The following TENM3 variants were observed in gnomAD, a reference collection of about 807,000 sequenced individuals.
TENM3 encodes the protein teneurin transmembrane protein 3.
TENM3 carries 63 observed loss-of-function variants against 255.1 expected under a neutral mutation model. That is an observed-to-expected ratio of 0.25 (90% CI 0.20 to 0.30). The LOEUF is 0.30. Among genes scored for constraint, TENM3 ranks in the 10% least tolerant of loss-of-function variants. The pLI is 1.00. For missense variants in TENM3, 2,929 were observed against 3,461.1 expected, an observed-to-expected ratio of 0.85 and a Z score of 3.86; for synonymous variants, 1,306 against 1,322.3, an observed-to-expected ratio of 0.99 and a Z score of 0.27.
At chr4:182,721,290 T>C (rs1221856461) in intron 13 of TENM3, among the ~76,000 whole-genome samples, 2 of 151,950 alleles carry the variant, frequency 1.3e-5, no homozygotes, top group African/African-American at 4.8e-5. Flanking sequence ...ATCAGTAACT[T>C]CGTGGGCATC....
chr4:181,504,481 C>A, the TENM3 span, among the ~76,000 whole-genome samples: 2 of 152,108 alleles, frequency 1.3e-5, no homozygotes, highest in East Asian at 3.8e-4. Context: ...CCTCCTCCTC[C>A]CCCTCTTTAC....
the TENM3 span, among the ~76,000 whole-genome samples, chr4:181,842,087 A>G: frequency 2.6e-5 from 4 of 152,182 alleles, no homozygotes; most frequent in Admixed American, 6.5e-5. Context: ...TTAAAAGAAT[A>G]TATTCTTCTG....
At chr4:182,747,521 A>C (rs1204862010) in intron 19 of TENM3, among the ~76,000 whole-genome samples, 1 of 152,218 alleles carries the variant, frequency 6.6e-6, no homozygotes, top group Non-Finnish European at 1.5e-5. Context: ...TCCTTCTCTG[A>C]TGTTTATAGT....
At chr4:182,312,513 T>C (rs1762515497) in intron 1 of TENM3, among the ~76,000 whole-genome samples, 1 of 152,224 alleles carries the variant, frequency 6.6e-6, no homozygotes, top group Non-Finnish European at 1.5e-5. Flanking sequence ...GATATCAAAC[T>C]GTCTATTTGG....
intron 1 of TENM3, among the ~76,000 whole-genome samples, chr4:182,285,736 C>T (rs533041333): frequency 1.2e-4 from 18 of 152,060 alleles, no homozygotes; most frequent in East Asian, 9.7e-4. Context: ...TCAGTGGAAG[C>T]GTGGAATTGT....
the TENM3 span, among the ~76,000 whole-genome samples, chr4:181,569,515 G>T: frequency 6.6e-6 from 1 of 152,030 alleles, no homozygotes; most frequent in Non-Finnish European, 1.5e-5. Flanking sequence ...TTCCAGCCTG[G>T]GGTTGTTTCC....
the TENM3 span, among the ~76,000 whole-genome samples, chr4:181,993,479 C>T: frequency 6.6e-6 from 1 of 152,130 alleles, no homozygotes; most frequent in African/African-American, 2.4e-5. Context: ...AGAACAGCTT[C>T]GCTGTGTCTG....
At chr4:182,119,151 C>G in the TENM3 span, among the ~76,000 whole-genome samples, 6 of 152,116 alleles carry the variant, frequency 3.9e-5, no homozygotes, top group Admixed American at 6.5e-5. Flanking sequence ...TTCCCTCCCC[C>G]CAGGTAGATT....
At chr4:181,696,942 C>T in the TENM3 span, among the ~76,000 whole-genome samples, 5 of 152,124 alleles carry the variant, frequency 3.3e-5, no homozygotes, top group African/African-American at 1.2e-4. Context: ...GAGCCTGAAA[C>T]GAAGAAGAAG....
chr4:181,802,261 G>A, the TENM3 span, among the ~76,000 whole-genome samples: 6 of 152,196 alleles, frequency 3.9e-5, no homozygotes, highest in African/African-American at 1.4e-4. Context: ...CAGAGATGGT[G>A]CTGGAGCAGG....
the TENM3 span, among the ~76,000 whole-genome samples, chr4:181,845,955 T>C: frequency 6.6e-6 from 1 of 152,220 alleles, no homozygotes; most frequent in African/African-American, 2.4e-5. Flanking sequence ...TTCCTACTAA[T>C]AAGCTTTCAG....
chr4:181,923,990 C>T, the TENM3 span, among the ~76,000 whole-genome samples: 1 of 152,062 alleles, frequency 6.6e-6, no homozygotes, highest in African/African-American at 2.4e-5. Flanking sequence ...AGACAGTCCC[C>T]CCTCAGTCTC....
chr4:181,690,255 C>CACAT, the TENM3 span, among the ~76,000 whole-genome samples: 4 of 150,022 alleles, frequency 2.7e-5, no homozygotes, highest in African/African-American at 9.7e-5. Flanking sequence ...CACACACACA[C>CACAT]ACACACCAGG....
Position 182,727,850 on chromosome 4 carries a change from C to G in TENM3, c.2369-1115C>G, listed in dbSNP as rs112671816. Among the ~76,000 whole-genome samples, 485 of 145,452 alleles carry G rather than the reference C, an allele frequency of 3.3e-3. 3 individuals are homozygous for G. The highest frequency in any genetic ancestry group is 5.9e-3 in the Non-Finnish European group (395 of 67,262). ...TGATTTTATCTGGAACACACTTAAC[C>G]TTCCTTAGAAGAACTTTTTTTTTTT... is the stretch of plus-strand genomic sequence containing the variant. On this transcript the variant is annotated intron_variant, in intron 13 of 27. Transcript: ENST00000511685.
chr4:182,147,667 G>A (rs953593642), intron 1 of TENM3, among the ~76,000 whole-genome samples: 1 of 152,064 alleles, frequency 6.6e-6, no homozygotes, highest in African/African-American at 2.4e-5. Flanking sequence ...TTTGGACTTC[G>A]AGGGCATACT....
chr4:182,618,118 G>A (rs1385735072), intron 4 of TENM3, among the ~76,000 whole-genome samples: 1 of 152,152 alleles, frequency 6.6e-6, no homozygotes, highest in Non-Finnish European at 1.5e-5. Context: ...TGCTTATGAA[G>A]TTAATCTAAT....
intron 13 of TENM3, among the ~76,000 whole-genome samples, chr4:182,718,993 G>T (rs1759431599): frequency 6.6e-6 from 1 of 152,100 alleles, no homozygotes; most frequent in Non-Finnish European, 1.5e-5. Context: ...TCGTTACCAA[G>T]CTCCCATCTT....
intron 5 of TENM3, among the ~76,000 whole-genome samples, chr4:182,636,811 T>C (rs1288085223): frequency 2.0e-5 from 3 of 152,140 alleles, no homozygotes; most frequent in African/African-American, 7.2e-5. Context: ...TTGAAAAATA[T>C]TCAAAGACAG....
At chr4:182,782,266 G>A (rs1489591915) in intron 24 of TENM3, among the ~76,000 whole-genome samples, 3,967 of 52,224 alleles carry the variant, frequency 0.076, no homozygotes, top group African/African-American at 0.12. Flanking sequence ...CTTTGTTCTC[G>A]TTGGTTTCAA....
Sources: gnomAD v4.1 joint callset for allele counts (sites outside exome capture counted in the v4.1 genomes callset) on GRCh38, gnomAD v4.1.1 for gene constraint, MANE v1.5 for transcripts, NCBI Gene and HGNC (gene_info 2026-07-23, HGNC 2026-07-21) for gene names.